Variants in CFAP54 observed in about 807,000 individuals in gnomAD.
CFAP54 encodes the protein cilia- and flagella-associated protein 54.
A neutral mutation model predicts 370.4 loss-of-function variants in CFAP54; 290 were observed. The ratio of observed to expected loss-of-function variants is 0.78; its 90% CI spans 0.71 to 0.86. The LOEUF (loss-of-function observed/expected upper bound fraction) is 0.86, where lower values mean the gene tolerates loss of function less well. Among genes scored for constraint, CFAP54 ranks in the 40% least tolerant of loss-of-function variants. CFAP54 has a pLI of 0.00. For synonymous variants in CFAP54, 1,206 were observed against 1,236.5 expected (o/e 0.98, Z 0.52); for missense variants, 3,399 against 3,528.7 (o/e 0.96, Z 0.93).
Position 96,720,486 on chromosome 12 carries a change from G to C in CFAP54, c.6886G>C (p.Ala2296Pro). 6.2e-7 allele frequency: 1 copy of C among 1,603,126 alleles called. No homozygotes were observed. The highest frequency in any genetic ancestry group is 8.5e-7 in the Non-Finnish European group (1 of 1,173,774). The stretch of plus-strand genomic sequence containing the variant: ...ACAGAAGACCCTGTCTCAGTGCTCC[G>C]CTGGCGAGCTGGAGATTGTGGTGGA... ...VEQKTLSQCS[A>P]GELEIVVEAR... Residue 2296 changes from alanine (A) to proline (P), a missense_variant, in exon 50 of 68, where the codon GCT becomes CCT. By Grantham distance (27) the Ala-to-Pro change is conservative. Coordinates refer to ENST00000524981, the MANE Select transcript of CFAP54 (RefSeq NM_001306084.2).
chr12:96,530,703 A>G (rs1308027358), intron 9 of CFAP54, among the ~76,000 whole-genome samples: 1 of 152,224 alleles, frequency 6.6e-6, no homozygotes, highest in Non-Finnish European at 1.5e-5. Context: ...CAACAGTGCA[A>G]TTGCTGGATT....
chr12:96,532,030 A>G (rs145738378), intron 9 of CFAP54, among the ~76,000 whole-genome samples: 25 of 152,290 alleles, frequency 1.6e-4, no homozygotes, highest in African/African-American at 5.1e-4. Flanking sequence ...CCGGCCATCA[A>G]TGATGATGTA....
chr12:96,648,221 C>G (rs1335674514), intron 34 of CFAP54, among the ~76,000 whole-genome samples: 1 of 152,084 alleles, frequency 6.6e-6, no homozygotes, highest in Non-Finnish European at 1.5e-5. Context: ...GATATTATTG[C>G]ATATATTTGG....
chr12:96,708,446 A>G (rs189324962), intron 47 of CFAP54, among the ~76,000 whole-genome samples, 162 bp from the exon 48 acceptor site: 2 of 152,248 alleles, frequency 1.3e-5, no homozygotes, highest in East Asian at 3.9e-4. Context: ...GATGGTTCCG[A>G]TGTTACATGT....
intron 25 of CFAP54, among the ~76,000 whole-genome samples, chr12:96,595,592 A>G (rs548082511): frequency 4.6e-5 from 7 of 152,244 alleles, no homozygotes; most frequent in African/African-American, 1.7e-4. Flanking sequence ...CAGCTTGAGT[A>G]ACTTAAAAAA....
In CFAP54 at chr12:96,576,668, A is replaced by T; in HGVS notation, c.2703A>T (p.Arg901Ser). 1 of 1,535,822 alleles carries T rather than the reference A, an allele frequency of 6.5e-7. No homozygotes were observed. Among genetic ancestry groups the T allele is most frequent in the Non-Finnish European group, 8.7e-7 (1 of 1,146,664 alleles). ...SYQKYLESSKRKKSRVPPPPI... is the reference protein window; with the variant it reads ...SYQKYLESSKSKKSRVPPPPI... ...AGAAATATTTGGAAAGTTCAAAAAG[A>T]AAGAAAAGCAGAGTCCCCCCTCCAC... The change falls in exon 20 of 68, where the codon AGA (arginine) becomes AGT (serine). Residue 901 changes from arginine to serine, a missense_variant. Transcript: ENST00000524981.
At position 96,520,831 on chromosome 12, in the gene CFAP54, C is replaced by T. The variant is rs142527688; in HGVS notation, c.943-1026C>T. On this transcript the variant is annotated intron_variant, in intron 6 of 67. Coordinates refer to ENST00000524981, the MANE Select transcript of CFAP54 (RefSeq NM_001306084.2). Reference sequence around the variant, plus strand: ...ATGCCTATTCATATCTTGTTAACGACCATAAATAAATCATCTGGCCAATTC... The same window carrying T: ...ATGCCTATTCATATCTTGTTAACGATCATAAATAAATCATCTGGCCAATTC... Among the ~76,000 whole-genome samples the T allele has an allele frequency of 2.7e-3, 409 of 152,282 alleles. 1 individual carries two copies. Among genetic ancestry groups the T allele is most frequent in the African/African-American group, 9.3e-3 (386 of 41,554 alleles).
chr12:96,827,007 T>TTATAATATGCAATTATATGTGATTATA lies in CFAP54; in HGVS notation c.9097-1946_9097-1920dup, dbSNP rs1565993960. Among the ~76,000 whole-genome samples the TTATAATATGCAATTATATGTGATTATA allele has an allele frequency of 4.1e-3, 496 of 122,166 alleles. 3 individuals carry two copies. Among genetic ancestry groups the TTATAATATGCAATTATATGTGATTATA allele is most frequent in the African/African-American group, 0.02 (481 of 24,510 alleles). 80.1% of individuals were successfully genotyped at this position (122,166 alleles called of 152,430 possible). On this transcript the variant is annotated intron_variant, in intron 65 of 67. Transcript: ENST00000524981. ...ATAATATGCAATTATATATGATTAATTATAATATGCAATTATATGTGATTA... is the reference window on the plus strand; with the variant it reads ...ATAATATGCAATTATATATGATTAATTATAATATGCAATTATATGTGATTATATATAATATGCAATTATATGTGATTA...
At chr12:96,713,320 G>GAT (rs1464381622) in intron 48 of CFAP54, among the ~76,000 whole-genome samples, 2 of 152,002 alleles carry the variant, frequency 1.3e-5, no homozygotes, top group Non-Finnish European at 2.9e-5. Flanking sequence ...AAGGAAATAT[G>GAT]ATATATATAC....
At chr12:96,718,333 T>C in intron 48 of CFAP54, 110 bp from the exon 49 acceptor site, 1 of 639,594 alleles carries the variant, frequency 1.6e-6, no homozygotes, top group Non-Finnish European at 2.9e-6. Flanking sequence ...TGCTCCAGCC[T>C]GGGTGACAGA....
intron 2 of CFAP54, 128 bp downstream of exon 2, chr12:96,501,067 A>G (rs1955020385): frequency 1.8e-6 from 1 of 553,142 alleles, no homozygotes; most frequent in Non-Finnish European, 3.0e-6. Flanking sequence ...AAATGAGTAC[A>G]TAAAAATTTT....
At chr12:96,630,845 A>G (rs1369303515) in intron 32 of CFAP54, among the ~76,000 whole-genome samples, 194 bp downstream of exon 32, 1 of 152,032 alleles carries the variant, frequency 6.6e-6, no homozygotes, top group Non-Finnish European at 1.5e-5. Context: ...AAATGGTGAT[A>G]AATGTTATAA....
In CFAP54 at chr12:96,764,190, G is replaced by A; in HGVS notation, c.8080G>A (p.Ala2694Thr). ...RRSSSVKETSANKFEMYSSLA... is the reference protein window; with the variant it reads ...RRSSSVKETSTNKFEMYSSLA... ...AAGTAGTTCTGTTAAAGAAACATCA[G>A]CAAATAAATTTGAAATGTACAGTTC... The change falls in exon 59 of 68, where the codon GCA (alanine) becomes ACA (threonine). Residue 2694 changes from alanine (A) to threonine (T), a missense_variant. This residue lies in a region of CFAP54 where 2,796 missense variants were observed against 2,869.7 expected (regional missense o/e 0.97). Transcript: ENST00000524981. 2 of 1,613,186 alleles carry A rather than the reference G, an allele frequency of 1.2e-6. No individual in the cohort carries two copies. Among genetic ancestry groups the A allele is most frequent in the Non-Finnish European group, 1.7e-6 (2 of 1,179,558 alleles).
chr12:96,841,670 G>C (rs1416763304), intron 66 of CFAP54, among the ~76,000 whole-genome samples: 3 of 152,158 alleles, frequency 2.0e-5, no homozygotes, highest in Non-Finnish European at 4.4e-5. Context: ...AACCACTTGT[G>C]GTAGCATAAT....
intron 51 of CFAP54, among the ~76,000 whole-genome samples, chr12:96,741,303 A>G (rs1261155688): frequency 6.6e-6 from 1 of 152,028 alleles, no homozygotes; most frequent in African/African-American, 2.4e-5. Flanking sequence ...AGTAGCTGGG[A>G]CTAGAGGTGC....
At chr12:96,664,732 T>TCC (rs1957050156) in intron 39 of CFAP54, among the ~76,000 whole-genome samples, 1 of 28,588 alleles carries the variant, frequency 3.5e-5, no homozygotes, top group Admixed American at 4.9e-4. Flanking sequence ...TATCTATATA[T>TCC]ATATATCTAT....
rs372109273 is a variant in CFAP54 at position 96,558,104 on chromosome 12, A to G, written c.2410+3302A>G. On this transcript the variant is annotated intron_variant, in intron 17 of 67. Coordinates refer to ENST00000524981, the MANE Select transcript of CFAP54 (RefSeq NM_001306084.2). ...ATATAGGTAGATGTAAGTTACTGCTAATGTTCCAGTTCTGGTGCTGGGTGG... is the reference window on the plus strand; with the variant it reads ...ATATAGGTAGATGTAAGTTACTGCTGATGTTCCAGTTCTGGTGCTGGGTGG... Among the ~76,000 whole-genome samples, 92 of 152,294 alleles carry G rather than the reference A, an allele frequency of 6.0e-4. 4 individuals are homozygous for G. In the South Asian group the frequency reaches 0.017, roughly 27 times the overall value.
At chr12:96,647,290 G>T (rs1324817472) in intron 33 of CFAP54, among the ~76,000 whole-genome samples, 22 of 151,240 alleles carry the variant, frequency 1.5e-4, no homozygotes, top group South Asian at 2.1e-4. Flanking sequence ...TGGCTAACAC[G>T]CTGAAACACT....
chr12:96,775,717 A>T (rs1050933160), intron 60 of CFAP54, among the ~76,000 whole-genome samples: 1 of 152,126 alleles, frequency 6.6e-6, no homozygotes, highest in African/African-American at 2.4e-5. Context: ...GACTATGAAT[A>T]TTCTTAAGTA....
Sources: allele counts gnomAD v4.1 joint callset (sites outside exome capture counted in the v4.1 genomes callset), GRCh38; gene constraint gnomAD v4.1.1; regional missense constraint gnomAD v4.1.1; transcripts MANE v1.5; gene names NCBI Gene and HGNC (gene_info 2026-07-23, HGNC 2026-07-21).